The following SLC9C1 variants were observed in gnomAD, a reference collection of about 807,000 sequenced individuals.
SLC9C1 encodes solute carrier family 9 member C1.
A neutral mutation model predicts 140.9 loss-of-function variants in SLC9C1; 97 were observed. That is an observed-to-expected ratio of 0.69 (90% CI 0.58 to 0.82). The LOEUF (loss-of-function observed/expected upper bound fraction) is 0.82. Ranked by LOEUF, SLC9C1 falls within the 40% of genes least tolerant of loss-of-function variation. SLC9C1 has a pLI of 0.00. For synonymous variants in SLC9C1, 440 were observed against 442.6 expected (o/e 0.99, Z 0.07); for missense variants, 1,340 against 1,389.3 (o/e 0.96, Z 0.56).
intron 25 of SLC9C1, 85 bp downstream of exon 25, chr3:112,168,792 G>A: frequency 7.9e-7 from 1 of 1,264,594 alleles, no homozygotes; most frequent in Non-Finnish European, 1.1e-6. Flanking sequence ...AAAAGCTTAA[G>A]ATTATAGTGA....
At chr3:112,291,510 A>G (rs1345638083) in intron 1 of SLC9C1, among the ~76,000 whole-genome samples, 1 of 152,236 alleles carries the variant, frequency 6.6e-6, no homozygotes, top group Non-Finnish European at 1.5e-5. Context: ...AGCATATGAA[A>G]AAAAAAGCTT....
At chr3:112,170,335 G>T (rs1254667598) in intron 23 of SLC9C1, among the ~76,000 whole-genome samples, 2 of 152,100 alleles carry the variant, frequency 1.3e-5, no homozygotes, top group African/African-American at 4.8e-5. Context: ...AGTGTAAGGT[G>T]GTATCTCATT....
chr3:112,267,073 T>C (rs2079938401), intron 7 of SLC9C1, among the ~76,000 whole-genome samples: 1 of 151,248 alleles, frequency 6.6e-6, no homozygotes, highest in African/African-American at 2.4e-5. Flanking sequence ...AGACCGGGGG[T>C]TCAGGGCTGG....
At chr3:112,143,077 A>G (rs1398771422) in intron 28 of SLC9C1, among the ~76,000 whole-genome samples, 2 of 152,030 alleles carry the variant, frequency 1.3e-5, no homozygotes, top group Non-Finnish European at 2.9e-5. Flanking sequence ...GGTCTTTTTT[A>G]TGGCTGTATA....
chr3:112,274,453 A>G (rs1034909746), intron 6 of SLC9C1, among the ~76,000 whole-genome samples: 1 of 152,118 alleles, frequency 6.6e-6, no homozygotes, highest in Non-Finnish European at 1.5e-5. Flanking sequence ...GGCCCTGTAG[A>G]TGGCTAATAA....
At chr3:112,174,251 C>T (rs1016660913) in intron 23 of SLC9C1, among the ~76,000 whole-genome samples, 3 of 152,204 alleles carry the variant, frequency 2.0e-5, no homozygotes, top group Non-Finnish European at 4.4e-5. Context: ...CCCCTGGGGG[C>T]TCCACCTCCA....
chr3:112,223,703 A>G (rs553982676), intron 13 of SLC9C1, among the ~76,000 whole-genome samples: 3 of 152,242 alleles, frequency 2.0e-5, no homozygotes, highest in African/African-American at 7.2e-5. Flanking sequence ...ATATCAAAAT[A>G]CAACAGCTAT....
chr3:112,145,453 G>A (rs1214785721), intron 28 of SLC9C1, among the ~76,000 whole-genome samples: 1 of 152,128 alleles, frequency 6.6e-6, no homozygotes. Context: ...TTTGATATCA[G>A]GGTGATGCTG....
intron 27 of SLC9C1, among the ~76,000 whole-genome samples, chr3:112,154,101 T>TTA (rs1409733469): frequency 7.3e-4 from 5 of 6,888 alleles, no homozygotes. Context: ...GTGTCTGTTC[T>TTA]CAGGTTTATG....
chr3:112,293,112 CAAAAA>C (rs58937356), intron 1 of SLC9C1, among the ~76,000 whole-genome samples: 4 of 128,982 alleles, frequency 3.1e-5, no homozygotes, highest in Non-Finnish European at 4.8e-5. Context: ...ACTAAAAATA[CAAAAA>C]AAAAAAAAAA....
intron 28 of SLC9C1, among the ~76,000 whole-genome samples, chr3:112,142,374 G>A (rs989086427): frequency 6.6e-6 from 1 of 152,160 alleles, no homozygotes; most frequent in Admixed American, 6.5e-5. Flanking sequence ...AAGTTTGCCT[G>A]TTGAAATTAC....
At chr3:112,210,354 A>C (rs562249477) in intron 15 of SLC9C1, among the ~76,000 whole-genome samples, 70 of 152,370 alleles carry the variant, frequency 4.6e-4, no homozygotes, top group Admixed American at 7.8e-4. Context: ...ATATTGATAC[A>C]TGCTACAAAG....
At chr3:112,255,503 A>G (rs1217552285) in intron 10 of SLC9C1, among the ~76,000 whole-genome samples, 1 of 152,172 alleles carries the variant, frequency 6.6e-6, no homozygotes, top group East Asian at 1.9e-4. Context: ...TAATAAAATA[A>G]AGGCAGAAAT....
At chr3:112,175,461 A>G (rs539059070) in intron 23 of SLC9C1, among the ~76,000 whole-genome samples, 96 of 152,258 alleles carry the variant, frequency 6.3e-4, no homozygotes, top group African/African-American at 2.2e-3. Flanking sequence ...CAGTCTGGCC[A>G]TGTTTTCATA....
intron 6 of SLC9C1, among the ~76,000 whole-genome samples, chr3:112,272,204 C>T (rs1444413142): frequency 6.6e-6 from 1 of 152,166 alleles, no homozygotes; most frequent in Admixed American, 6.5e-5. Context: ...GTTGCAGAAA[C>T]ATACAGGAAT....
At chr3:112,200,446 A>G (rs2077877849) in intron 19 of SLC9C1, among the ~76,000 whole-genome samples, 1 of 152,162 alleles carries the variant, frequency 6.6e-6, no homozygotes, top group Non-Finnish European at 1.5e-5. Context: ...ATAATGACAT[A>G]CATAATCATA....
intron 23 of SLC9C1, among the ~76,000 whole-genome samples, chr3:112,173,242 C>G (rs1207844471): frequency 6.6e-6 from 1 of 152,070 alleles, no homozygotes; most frequent in Admixed American, 6.6e-5. Flanking sequence ...TTAAAAAGTT[C>G]TAGTCCTTAA....
At chr3:112,165,688 G>A (rs145061477) in intron 26 of SLC9C1, among the ~76,000 whole-genome samples, 223 of 152,328 alleles carry the variant, frequency 1.5e-3, no homozygotes, top group African/African-American at 5.1e-3. Flanking sequence ...CTACTGGGGG[G>A]TGCCTCCCAG....
intron 11 of SLC9C1, among the ~76,000 whole-genome samples, chr3:112,241,661 A>G (rs2079141908): frequency 6.6e-6 from 1 of 152,210 alleles, no homozygotes; most frequent in Admixed American, 6.5e-5. Context: ...AGCAAACAGA[A>G]CGAAGCCAGA....
Sources: allele counts gnomAD v4.1 joint callset (sites outside exome capture counted in the v4.1 genomes callset), GRCh38; gene constraint gnomAD v4.1.1; transcripts MANE v1.5; gene names NCBI Gene and HGNC (gene_info 2026-07-23, HGNC 2026-07-21).